The following TMEM245 variants were observed in gnomAD, a reference collection of about 807,000 sequenced individuals.
TMEM245 encodes protein CG-2.
In TMEM245, 69 loss-of-function variants were observed where a neutral mutation model predicts 101.2. That is an observed-to-expected ratio of 0.68 (90% CI 0.56 to 0.83). The LOEUF is 0.83. Among genes scored for constraint, TMEM245 ranks in the 40% least tolerant of loss-of-function variants. TMEM245 has a pLI of 0.00. For missense variants in TMEM245, 1,075 were observed against 1,092.8 expected, an observed-to-expected ratio of 0.98 and a Z score of 0.23; for synonymous variants, 537 against 449.8, an observed-to-expected ratio of 1.19 and a Z score of -2.45.
chr9:109,093,653 AAC>A, intron 3 of TMEM245, 62 bp from the exon 4 acceptor site: 1 of 1,269,840 alleles, frequency 7.9e-7, no homozygotes. Flanking sequence ...TGCAAATTTA[AAC>A]ACAGTCCAAC....
rs1830061290 is a variant in TMEM245, at chr9:109,093,468, C to T, written c.916+7G>A. On this transcript the variant is annotated splice_region_variant and intron_variant, in intron 4 of 17. Transcript: ENST00000374586. ...ATAACCTTGAATGTCACCAGAACAT[C>T]AGTCACCTGCAGGCTGAGTGGAGGG... is the stretch of plus-strand genomic sequence containing the variant. 5.6e-6 allele frequency: 9 copies of T among 1,605,850 alleles called. No individual in the cohort carries two copies. The highest frequency in any genetic ancestry group is 7.7e-6 in the Non-Finnish European group (9 of 1,175,754).
chr9:109,090,547 G>A (rs767831645), intron 5 of TMEM245, among the ~76,000 whole-genome samples: 19 of 151,530 alleles, frequency 1.3e-4, no homozygotes, highest in Non-Finnish European at 2.8e-4. Flanking sequence ...ATGGTGAAAC[G>A]CTGTCTCTAC....
intron 3 of TMEM245, among the ~76,000 whole-genome samples, chr9:109,102,472 C>T (rs1024840862): frequency 7.2e-5 from 11 of 152,040 alleles, no homozygotes; most frequent in African/African-American, 2.2e-4. Context: ...ACCAGAGTAC[C>T]ACAAACAGCC....
intron 16 of TMEM245, among the ~76,000 whole-genome samples, chr9:109,034,359 T>C (rs1828056820): frequency 6.6e-6 from 1 of 152,236 alleles, no homozygotes; most frequent in Non-Finnish European, 1.5e-5. Context: ...CATAATGTGT[T>C]TGTCTTTCTC....
At chr9:109,116,787 C>A (rs531849060) in intron 1 of TMEM245, among the ~76,000 whole-genome samples, 6 of 152,242 alleles carry the variant, frequency 3.9e-5, no homozygotes, top group Non-Finnish European at 1.5e-5. Context: ...GTGGGCCTCC[C>A]AAAGTGCTGG....
chr9:109,105,327 G>C lies in TMEM245; in HGVS notation c.799+1181C>G, dbSNP rs373103542. On this transcript the variant is annotated intron_variant, in intron 3 of 17. Transcript: ENST00000374586. Reference sequence around the variant, plus strand: ...GATACCACTTCACACCCACTGGACTGGCCATTATCAAAAAGTGGAAAATAA... The same window carrying C: ...GATACCACTTCACACCCACTGGACTCGCCATTATCAAAAAGTGGAAAATAA... Among the ~76,000 whole-genome samples, 141 of 152,270 alleles carry C rather than the reference G, an allele frequency of 9.3e-4. 3 individuals carry two copies. In the South Asian group the frequency reaches 0.026, roughly 28 times the overall value.
In TMEM245 at chr9:109,119,686, G is replaced by A. The variant is rs754619008; in HGVS notation, c.228C>T (p.Ile76=). The A allele has an allele frequency of 2.4e-5, 38 of 1,558,208 alleles. No homozygotes were observed. Among genetic ancestry groups the A allele is most frequent in the East Asian group, 4.8e-5 (2 of 41,520 alleles). ...GCAGCGGCCGCAGGAAGGCCTCCAG[G>A]ATGAAGTAGACCAGCACCGCGGCGC... ...CCGAAVLVYF[I]LEAFLRPLLW... The change falls in exon 1 of 18, where the codon ATC becomes ATT. Residue 76 remains isoleucine (I), a synonymous_variant. Transcript: ENST00000374586.
At position 109,017,545 on chromosome 9, in the gene TMEM245, AT is replaced by A. The variant is rs2132251547; in HGVS notation, c.*2914del. 6.6e-6 allele frequency: 1 copy of A among 152,256 alleles called. No homozygotes were observed. Among genetic ancestry groups the A allele is most frequent in the East Asian group, 1.9e-4 (1 of 5,192 alleles). 9.4% of individuals were successfully genotyped at this position (152,256 alleles called of 1,614,324 possible). A position where few individuals can be genotyped will look rare whatever the true frequency, so the allele number is the denominator to read the frequency against. Reference sequence around the variant, plus strand: ...GAGCATACCTGTGTGGAGAGCTTGTATTTTCTCCCCTCCCATCCATTCGGTT... The same window carrying A: ...GAGCATACCTGTGTGGAGAGCTTGTATTTCTCCCCTCCCATCCATTCGGTT... On this transcript the variant is annotated 3_prime_UTR_variant, in exon 18 of 18. Transcript: ENST00000374586.
At chr9:109,085,623 T>C (rs866489608) in intron 7 of TMEM245, among the ~76,000 whole-genome samples, 5 of 152,244 alleles carry the variant, frequency 3.3e-5, no homozygotes, top group African/African-American at 1.2e-4. Flanking sequence ...AGAAAAAGTA[T>C]CAAACAGAGA....
chr9:109,087,062 A>G (rs1829860663), intron 6 of TMEM245, 111 bp downstream of exon 6: 1 of 887,282 alleles, frequency 1.1e-6, no homozygotes, highest in Non-Finnish European at 1.6e-6. Context: ...ATAGAATTAG[A>G]TATTACATGT....
At chr9:109,028,970 C>G (rs966648180) in intron 17 of TMEM245, among the ~76,000 whole-genome samples, 1 of 152,108 alleles carries the variant, frequency 6.6e-6, no homozygotes, top group Non-Finnish European at 1.5e-5. Flanking sequence ...GAAGCTGTAT[C>G]GTAAATGTAC....
intron 1 of TMEM245, among the ~76,000 whole-genome samples, chr9:109,113,027 G>A (rs1180351743): frequency 6.6e-6 from 1 of 152,214 alleles, no homozygotes; most frequent in African/African-American, 2.4e-5. Context: ...AGTGAGCCAA[G>A]ATCGAGCCAC....
At chr9:109,118,188 C>T (rs1433020009) in intron 1 of TMEM245, among the ~76,000 whole-genome samples, 1 of 152,170 alleles carries the variant, frequency 6.6e-6, no homozygotes, top group South Asian at 2.1e-4. Flanking sequence ...AACATATGCT[C>T]GATCAACTTT....
chr9:109,060,398 CTT>C lies in TMEM245; in HGVS notation c.1676_1677del (p.Gln559ArgfsTer35), dbSNP rs779237159. 1 of 1,613,730 alleles carries C rather than the reference CTT, an allele frequency of 6.2e-7. No individual in the cohort carries two copies. Among genetic ancestry groups the C allele is most frequent in the South Asian group, 1.1e-5 (1 of 91,024 alleles). On this transcript the variant is annotated frameshift_variant, in exon 11 of 18. Transcript: ENST00000374586. LOFTEE classifies it high-confidence loss of function. ...KVNNTAVIEK[Q>X]VLELWDRLYH... ...TACAGTCTGTCCCAAAGTTCTAGTA[CTT>C]GCTTTTCAATTACAGCAGTATTGTT...
rs1325049390 is a variant in TMEM245 at position 109,031,104 on chromosome 9, CCTT to C, written c.2594+2200_2594+2202del. On this transcript the variant is annotated intron_variant, in intron 17 of 17. Transcript: ENST00000374586. ...ATTTTACTTTTTATTCTGAGACTGT[CCTT>C]CTTTTTTGTTGTTAAAATGTAATTT... Among the ~76,000 whole-genome samples the C allele has an allele frequency of 4.6e-5, 7 of 152,258 alleles. No individual in the cohort carries two copies. In the East Asian group the frequency reaches 5.8e-4, roughly 13 times the overall value.
At chr9:109,050,220 A>C in intron 14 of TMEM245, 63 bp downstream of exon 14, 1 of 1,588,646 alleles carries the variant, frequency 6.3e-7, no homozygotes, top group Non-Finnish European at 8.6e-7. Context: ...CATGACAAAA[A>C]ACAGGCTTAT....
chr9:109,050,536 G>A, intron 13 of TMEM245, 34 bp downstream of exon 13: 3 of 1,613,766 alleles, frequency 1.9e-6, no homozygotes, highest in Non-Finnish European at 2.5e-6. Context: ...AACAGGGAAG[G>A]AAATATGACG....
At position 109,093,356 on chromosome 9, in the gene TMEM245, A is replaced by G. The variant is rs1830058091; in HGVS notation, c.916+119T>C. 8.8e-6 allele frequency: 7 copies of G among 799,202 alleles called. No homozygotes were observed. In the South Asian group the frequency reaches 1.0e-4, roughly 12 times the overall value. The allele number at this position is 799,202 out of a possible 1,614,324, so 49.5% of individuals were successfully genotyped here. A position where few individuals can be genotyped will look rare whatever the true frequency, so the allele number is the denominator to read the frequency against. ...GGGCATAAAAATAGGAACCAAAGAGAATAAATGAAGGATCAGCAGGAGTAA... is the reference window on the plus strand; with the variant it reads ...GGGCATAAAAATAGGAACCAAAGAGGATAAATGAAGGATCAGCAGGAGTAA... On this transcript the variant is annotated intron_variant, in intron 4 of 17. Transcript: ENST00000374586.
chr9:109,082,571 G>T (rs547400994), intron 7 of TMEM245, among the ~76,000 whole-genome samples: 1 of 151,970 alleles, frequency 6.6e-6, no homozygotes, highest in Non-Finnish European at 1.5e-5. Flanking sequence ...GAATAAGCAA[G>T]CATAAATAAA....
Sources: gnomAD v4.1 joint callset for allele counts (sites outside exome capture counted in the v4.1 genomes callset) on GRCh38, gnomAD v4.1.1 for gene constraint, MANE v1.5 for transcripts, NCBI Gene and HGNC (gene_info 2026-07-23, HGNC 2026-07-21) for gene names.